Variants in CPLANE1 observed in about 807,000 individuals in gnomAD.
The protein encoded by CPLANE1 is ciliogenesis and planar polarity effector 1.
A neutral mutation model predicts 362.5 loss-of-function variants in CPLANE1; 263 were observed. The ratio of observed to expected loss-of-function variants is 0.73; its 90% CI spans 0.66 to 0.80. The LOEUF (loss-of-function observed/expected upper bound fraction) is 0.80, where lower values mean the gene tolerates loss of function less well. CPLANE1 is among the 30% of genes least tolerant of loss of function. The pLI, the probability that CPLANE1 is intolerant of heterozygous loss-of-function variation, is 0.00. For synonymous variants in CPLANE1, 1,212 were observed against 1,302.6 expected, an observed-to-expected ratio of 0.93 and a Z score of 1.50; for missense variants, 3,461 against 3,793.4, an observed-to-expected ratio of 0.91 and a Z score of 2.30.
At chr5:37,246,480 T>C (rs2150842697) in intron 2 of CPLANE1, 1 of 152,302 alleles carries the variant, frequency 6.6e-6, no homozygotes, top group South Asian at 2.1e-4. Flanking sequence ...TGAACCTGAC[T>C]CTCATCAATT....
the CPLANE1 span, among the ~76,000 whole-genome samples, chr5:37,083,527 A>T: frequency 6.6e-6 from 1 of 152,232 alleles, no homozygotes; most frequent in Non-Finnish European, 1.5e-5. Flanking sequence ...GAAACCAAAA[A>T]AATGATACAA....
rs750415118 is a variant in CPLANE1, at chr5:37,183,213, C to T, written c.4968G>A (p.Gly1656=). Residue 1656 remains glycine (G), a synonymous_variant, in exon 26 of 53, where the codon GGG becomes GGA. Coordinates refer to ENST00000651892, the MANE Select transcript of CPLANE1 (RefSeq NM_001384732.1). ...AAGGATATTGTAAAAAAGGTTTGAT[C>T]CCTTGATTAACCAGTACTGATGATG... is the stretch of plus-strand genomic sequence containing the variant. ...KLSSSVLVNQ[G]IKPFLQYPSN... The T allele has an allele frequency of 8.7e-6, 14 of 1,611,176 alleles. No individual in the cohort carries two copies. In the South Asian group the frequency reaches 1.4e-4, roughly 17 times the overall value.
At chr5:37,098,390 CAA>C in the CPLANE1 span, among the ~76,000 whole-genome samples, 1,639 of 37,564 alleles carry the variant, frequency 0.044, 35 homozygotes, top group African/African-American at 0.14. Flanking sequence ...AACTCCGTCT[CAA>C]AAAAAAAAAA....
rs1772311804 is a variant in CPLANE1 at position 37,148,178 on chromosome 5, A to T, written c.8461+3T>A. On this transcript the variant is annotated splice_donor_region_variant and intron_variant, in intron 43 of 52. Transcript: ENST00000651892. Reference sequence around the variant, plus strand: ...CAGCCAGCCCCTATCAGCCCCTACAAACCTTCTTCAGAAATGCTAATGGTT... The same window carrying T: ...CAGCCAGCCCCTATCAGCCCCTACATACCTTCTTCAGAAATGCTAATGGTT... 6.2e-7 allele frequency: 1 copy of T among 1,610,776 alleles called. No homozygotes were observed. Among genetic ancestry groups the T allele is most frequent in the South Asian group, 1.1e-5 (1 of 90,578 alleles).
chr5:37,190,021 G>C (rs1003491435), intron 21 of CPLANE1, among the ~76,000 whole-genome samples: 7 of 151,750 alleles, frequency 4.6e-5, no homozygotes, highest in Admixed American at 1.3e-4. Flanking sequence ...GAAAAGAAAA[G>C]AAGAGTGCAT....
downstream of CPLANE1, among the ~76,000 whole-genome samples, chr5:37,104,160 T>C (rs145288302): frequency 6.6e-6 from 1 of 152,384 alleles, no homozygotes; most frequent in East Asian, 1.9e-4. Context: ...TATTCTGTTA[T>C]TGATACTTGT....
Position 37,139,748 on chromosome 5 carries a change from C to T in CPLANE1, c.8633-378G>A, listed in dbSNP as rs535188016. 3.9e-5 allele frequency: 21 copies of T among 538,556 alleles called. No individual in the cohort carries two copies. In the South Asian group the frequency reaches 1.5e-3, roughly 37 times the overall value. The allele number at this position is 538,556 out of a possible 1,614,324, so 33.4% of individuals were successfully genotyped here. On this transcript the variant is annotated intron_variant, in intron 44 of 52. Coordinates refer to ENST00000651892, the MANE Select transcript of CPLANE1 (RefSeq NM_001384732.1). ...TATTTTTTGTAGACACGGGGTCTTG[C>T]TATGTTGCCCAGGTTGGTCTCGAAC...
rs768225629 is a variant in CPLANE1, at chr5:37,158,351, A to G, written c.7691-6T>C. ...AGCAGTCAAAGGCTCATGTTCTGAA[A>G]ATTAAAAAAGAAATAATCAGGAACA... On this transcript the variant is annotated splice_polypyrimidine_tract_variant and splice_region_variant and intron_variant, in intron 38 of 52. Transcript: ENST00000651892. 3.2e-5 allele frequency: 51 copies of G among 1,608,664 alleles called. No individual in the cohort carries two copies. The highest frequency in any genetic ancestry group is 3.9e-5 in the Non-Finnish European group (46 of 1,177,538).
At chr5:37,108,249 C>T in intron 52 of CPLANE1, 44 bp downstream of exon 52, 1 of 1,538,742 alleles carries the variant, frequency 6.5e-7, no homozygotes. Context: ...ACCTGAAGAA[C>T]ATAGAGCAAT....
At chr5:37,187,261 G>A (rs1005235220) in intron 23 of CPLANE1, among the ~76,000 whole-genome samples, 153 bp downstream of exon 23, 6 of 151,982 alleles carry the variant, frequency 3.9e-5, no homozygotes, top group African/African-American at 1.5e-4. Flanking sequence ...ACACAAGTGA[G>A]GTCCTACAGT....
At chr5:37,135,211 CAA>C (rs1561361552) in intron 46 of CPLANE1, among the ~76,000 whole-genome samples, 1 of 152,006 alleles carries the variant, frequency 6.6e-6, no homozygotes, top group African/African-American at 2.4e-5. Flanking sequence ...ATTGTTTACC[CAA>C]AAGTCATTCA....
chr5:37,122,884 A>T (rs901084094), intron 47 of CPLANE1, among the ~76,000 whole-genome samples: 9 of 152,206 alleles, frequency 5.9e-5, no homozygotes, highest in African/African-American at 9.6e-5. Context: ...CCGTTTCAAA[A>T]AAATAAATAA....
intron 15 of CPLANE1, among the ~76,000 whole-genome samples, chr5:37,217,404 GAGACC>G (rs1299284670): frequency 6.6e-6 from 1 of 151,876 alleles, no homozygotes; most frequent in Non-Finnish European, 1.5e-5. Flanking sequence ...TCAGGAGTTA[GAGACC>G]AGCCTGGCCA....
At position 37,192,118 on chromosome 5, in the gene CPLANE1, A is replaced by G. The variant is rs150058579; in HGVS notation, c.3811+3740T>C. ...ATCTTTTATACTGTATTTTTACTGT[A>G]CCTTTTCAATGTTTAGATATGTTTA... is the stretch of plus-strand genomic sequence containing the variant. On this transcript the variant is annotated intron_variant, in intron 21 of 52. Coordinates refer to ENST00000651892, the MANE Select transcript of CPLANE1 (RefSeq NM_001384732.1). 2.0e-3 allele frequency among the ~76,000 whole-genome samples: 303 copies of G among 152,256 alleles called. 2 individuals carry two copies. The highest frequency in any genetic ancestry group is 7.1e-3 in the African/African-American group (296 of 41,528).
intron 47 of CPLANE1, 126 bp downstream of exon 47, chr5:37,125,118 C>T: frequency 1.4e-6 from 2 of 1,382,024 alleles, no homozygotes; most frequent in Non-Finnish European, 1.9e-6. Flanking sequence ...TTAAGTAAAA[C>T]ATTTACTTTT....
At chr5:37,180,799 C>T in intron 27 of CPLANE1, 58 bp downstream of exon 27, 2 of 1,538,268 alleles carry the variant, frequency 1.3e-6, no homozygotes, top group South Asian at 2.3e-5. Flanking sequence ...CCTTTAAGCC[C>T]AAATGCCATC....
At chr5:37,108,794 C>T (rs1376426566) in intron 51 of CPLANE1, among the ~76,000 whole-genome samples, 1 of 152,154 alleles carries the variant, frequency 6.6e-6, no homozygotes, top group African/African-American at 2.4e-5. Context: ...ACTCTGAGAC[C>T]TGGGCCTTCC....
intron 46 of CPLANE1, among the ~76,000 whole-genome samples, chr5:37,133,434 G>T (rs1766585431): frequency 6.6e-6 from 1 of 151,988 alleles, no homozygotes. Context: ...TATGTCACCT[G>T]CGATTTCTTT....
At chr5:37,168,697 T>C in intron 34 of CPLANE1, 94 bp downstream of exon 34, 1 of 1,027,428 alleles carries the variant, frequency 9.7e-7, no homozygotes, top group South Asian at 1.9e-5. Context: ...CATTTTTTTA[T>C]GTACAAGAGC....
Sources: allele counts gnomAD v4.1 joint callset (sites outside exome capture counted in the v4.1 genomes callset), GRCh38; gene constraint gnomAD v4.1.1; transcripts MANE v1.5; gene names NCBI Gene and HGNC (gene_info 2026-07-23, HGNC 2026-07-21).